CFAP58: variants seen among roughly 807,000 people sequenced by gnomAD.
The protein encoded by CFAP58 is cilia- and flagella-associated protein 58.
Under a neutral mutation model 119.5 loss-of-function variants are expected in CFAP58, and 88 were observed. The observed-to-expected ratio is 0.74, with a 90% CI of 0.62 to 0.88. The LOEUF (loss-of-function observed/expected upper bound fraction) is 0.88, where lower values mean the gene tolerates loss of function less well. CFAP58 is among the 40% of genes least tolerant of loss of function. CFAP58 has a pLI of 0.00. For missense variants in CFAP58, 990 were observed against 1,021.2 expected, an observed-to-expected ratio of 0.97 and a Z score of 0.42; for synonymous variants, 365 against 366.3, an observed-to-expected ratio of 1.00 and a Z score of 0.04.
At chr10:104,412,310 T>A (rs917822549) in intron 15 of CFAP58, among the ~76,000 whole-genome samples, 24 of 152,192 alleles carry the variant, frequency 1.6e-4, no homozygotes, top group African/African-American at 5.3e-4. Context: ...TCATTAACAA[T>A]GTTATTAATA....
chr10:104,362,284 C>T (rs953979358), intron 3 of CFAP58, 113 bp downstream of exon 3: 7 of 863,832 alleles, frequency 8.1e-6, no homozygotes, highest in African/African-American at 3.5e-5. Flanking sequence ...ATACAAGACT[C>T]TTCTTTATTG....
intron 3 of CFAP58, among the ~76,000 whole-genome samples, chr10:104,364,303 C>G (rs1224659649): frequency 6.6e-6 from 1 of 151,976 alleles, no homozygotes; most frequent in Non-Finnish European, 1.5e-5. Flanking sequence ...GCAATATAGT[C>G]TTATCATAAC....
intron 15 of CFAP58, among the ~76,000 whole-genome samples, chr10:104,424,214 C>T (rs1196241412): frequency 6.6e-6 from 1 of 152,126 alleles, no homozygotes; most frequent in Non-Finnish European, 1.5e-5. Flanking sequence ...GCCTGGGAGT[C>T]CTTTTCTGAG....
intron 1 of CFAP58, among the ~76,000 whole-genome samples, chr10:104,357,909 A>T (rs1441351160): frequency 9.3e-6 from 1 of 108,034 alleles, no homozygotes; most frequent in Non-Finnish European, 1.8e-5. Context: ...GTACACATAT[A>T]CACACATATA....
In CFAP58 at chr10:104,357,852, T is replaced by C. The variant is rs574769603; in HGVS notation, c.10-489T>C. 7.1e-3 allele frequency among the ~76,000 whole-genome samples: 311 copies of C among 44,044 alleles called. 15 individuals are homozygous for C. The highest frequency in any genetic ancestry group is 0.021 in the African/African-American group (237 of 11,482). The allele number at this position is 44,044 out of a possible 152,430, so 28.9% of individuals were successfully genotyped here. Reference sequence around the variant, plus strand: ...ACATATATGTACACATATGTACACATATATACACATATATACACATATATG... The same window carrying C: ...ACATATATGTACACATATGTACACACATATACACATATATACACATATATG... On this transcript the variant is annotated intron_variant, in intron 1 of 17. Transcript: ENST00000369704.
chr10:104,439,556 T>C (rs1016700208), intron 15 of CFAP58, among the ~76,000 whole-genome samples: 13 of 152,172 alleles, frequency 8.5e-5, no homozygotes, highest in African/African-American at 3.1e-4. Context: ...TATTTTATTG[T>C]TTATTTTGAA....
chr10:104,343,793 C>T, the CFAP58 span, among the ~76,000 whole-genome samples: 11 of 152,280 alleles, frequency 7.2e-5, 1 homozygote, highest in African/African-American at 2.6e-4. Context: ...CTTTGTTGCT[C>T]AGGCGGGAGT....
intron 3 of CFAP58, among the ~76,000 whole-genome samples, chr10:104,364,349 C>T (rs555894772): frequency 1.8e-4 from 27 of 151,472 alleles, no homozygotes; most frequent in African/African-American, 6.1e-4. Flanking sequence ...AAAGTATCAA[C>T]CCCCACAACT....
the CFAP58 span, among the ~76,000 whole-genome samples, chr10:104,343,205 C>A: frequency 6.6e-6 from 1 of 152,318 alleles, no homozygotes; most frequent in Middle Eastern, 3.4e-3. Context: ...TTGCTGAGAC[C>A]TCAGAGGTGT....
chr10:104,358,709 A>T, intron 2 of CFAP58, 87 bp downstream of exon 2: 1 of 1,191,842 alleles, frequency 8.4e-7, no homozygotes, highest in Non-Finnish European at 1.2e-6. Context: ...GTAGTAAATG[A>T]GTTATTAGGT....
chr10:104,386,495 A>G (rs1198080113), intron 9 of CFAP58, among the ~76,000 whole-genome samples: 1 of 152,188 alleles, frequency 6.6e-6, no homozygotes, highest in East Asian at 1.9e-4. Context: ...CCTTTCTTTC[A>G]GGGACCAAAT....
In CFAP58 at chr10:104,447,769, G is replaced by T. The variant is rs751927868; in HGVS notation, c.2328G>T (p.Gln776His). 6.2e-7 allele frequency: 1 copy of T among 1,614,164 alleles called. No individual in the cohort carries two copies. The highest frequency in any genetic ancestry group is 1.7e-5 in the Admixed American group (1 of 60,020). Residue 776 changes from glutamine (Q) to histidine (H), a missense_variant, in exon 16 of 18, where the codon CAG (glutamine) becomes CAT (histidine). Coordinates refer to ENST00000369704, the MANE Select transcript of CFAP58 (RefSeq NM_001008723.2). ...AGCCTGGACCTGAGGCTGCGGAACA[G>T]CTGAAGCTGTACCGACGCACGCTGC... ...ARQPGPEAAEQLKLYRRTLHD... is the reference protein window; with the variant it reads ...ARQPGPEAAEHLKLYRRTLHD...
chr10:104,402,020 C>A (rs2012275080), intron 13 of CFAP58, among the ~76,000 whole-genome samples: 1 of 152,172 alleles, frequency 6.6e-6, no homozygotes, highest in Non-Finnish European at 1.5e-5. Flanking sequence ...CACATTTTAT[C>A]CATTCCCATT....
chr10:104,347,879 C>T, the CFAP58 span, among the ~76,000 whole-genome samples: 26 of 152,058 alleles, frequency 1.7e-4, no homozygotes, highest in Non-Finnish European at 2.8e-4. Flanking sequence ...TCCCATCTTT[C>T]GCTTCCTGTT....
chr10:104,402,872 C>A (rs1475256721), intron 13 of CFAP58, among the ~76,000 whole-genome samples: 1 of 152,148 alleles, frequency 6.6e-6, no homozygotes. Flanking sequence ...TTTTTCAAAG[C>A]TCCCCAGGGG....
upstream of CFAP58, among the ~76,000 whole-genome samples, chr10:104,349,221 C>T (rs184510453): frequency 6.6e-5 from 10 of 152,294 alleles, no homozygotes; most frequent in East Asian, 1.9e-3. Flanking sequence ...GCACTCCAGC[C>T]TGGGCAACAG....
At chr10:104,445,007 T>G (rs968055016) in intron 15 of CFAP58, among the ~76,000 whole-genome samples, 4 of 152,038 alleles carry the variant, frequency 2.6e-5, no homozygotes, top group African/African-American at 4.8e-5. Context: ...ATAAATCCAT[T>G]TCAATTAAGG....
At chr10:104,399,690 C>G (rs116276214) in intron 12 of CFAP58, among the ~76,000 whole-genome samples, 190 bp downstream of exon 12, 3 of 152,126 alleles carry the variant, frequency 2.0e-5, no homozygotes, top group Admixed American at 1.3e-4. Flanking sequence ...GCACTTCCCA[C>G]GCCTTAGTCA....
At chr10:104,431,999 C>T (rs1005014392) in intron 15 of CFAP58, among the ~76,000 whole-genome samples, 1 of 152,034 alleles carries the variant, frequency 6.6e-6, no homozygotes, top group East Asian at 1.9e-4. Context: ...TTCAAATTTT[C>T]ACTATTGCAA....
Sources: gnomAD v4.1 joint callset for allele counts (sites outside exome capture counted in the v4.1 genomes callset) on GRCh38, gnomAD v4.1.1 for gene constraint, MANE v1.5 for transcripts, NCBI Gene and HGNC (gene_info 2026-07-23, HGNC 2026-07-21) for gene names.